CSMD2: variants seen among roughly 807,000 people sequenced by gnomAD.
The protein encoded by CSMD2 is CUB and Sushi multiple domains 2.
In CSMD2, 130 loss-of-function variants were observed where a neutral mutation model predicts 398.5. That is an observed-to-expected ratio of 0.33 (90% CI 0.28 to 0.38). The LOEUF (loss-of-function observed/expected upper bound fraction) is 0.38. Among genes scored for constraint, CSMD2 ranks in the 10% least tolerant of loss-of-function variants. The pLI is 1.00. For synonymous variants in CSMD2, 1,828 were observed against 1,908.5 expected (o/e 0.96, Z 1.10); for missense variants, 3,829 against 4,764.9 (o/e 0.80, Z 5.78).
intron 3 of CSMD2, among the ~76,000 whole-genome samples, chr1:33,968,305 TC>T (rs1645634238): frequency 6.6e-6 from 1 of 152,170 alleles, no homozygotes; most frequent in Non-Finnish European, 1.5e-5. Context: ...TTTTACAAAT[TC>T]CAGGTGGCAG....
intron 14 of CSMD2, among the ~76,000 whole-genome samples, chr1:33,741,299 T>C (rs1019362633): frequency 6.6e-6 from 1 of 152,040 alleles, no homozygotes; most frequent in Admixed American, 6.5e-5. Flanking sequence ...TCAGCCTCAG[T>C]GATCATCAGT....
chr1:33,713,808 C>T (rs551060), intron 21 of CSMD2, among the ~76,000 whole-genome samples: 123,341 of 152,070 alleles, frequency 0.81, 50,484 homozygotes, highest in Middle Eastern at 0.88. Context: ...TCTGGCCAAA[C>T]GTCAACTCAT....
intron 1 of CSMD2, among the ~76,000 whole-genome samples, chr1:34,092,506 C>G (rs1397653945): frequency 6.6e-6 from 1 of 152,208 alleles, no homozygotes; most frequent in Non-Finnish European, 1.5e-5. Context: ...CCAGGTTCAT[C>G]TCACTAGGGA....
chr1:33,915,185 A>C (rs1033223926), intron 5 of CSMD2, among the ~76,000 whole-genome samples: 3 of 152,182 alleles, frequency 2.0e-5, no homozygotes, highest in African/African-American at 7.2e-5. Flanking sequence ...CTTTGCTAAC[A>C]GGATCTGTTG....
At chr1:33,536,226 CTCT>C (rs1205566706) in intron 62 of CSMD2, among the ~76,000 whole-genome samples, 1 of 152,096 alleles carries the variant, frequency 6.6e-6, no homozygotes, top group East Asian at 1.9e-4. Flanking sequence ...CTTTTCTTTT[CTCT>C]TCTTTTTTTT....
At chr1:33,863,992 G>A (rs996166781) in intron 5 of CSMD2, 6 of 566,760 alleles carry the variant, frequency 1.1e-5, no homozygotes, top group Admixed American at 1.0e-4. Flanking sequence ...GGGATTGGCT[G>A]GCTTGTGGAT....
chr1:33,600,244 G>A, intron 44 of CSMD2: 1 of 701,326 alleles, frequency 1.4e-6, no homozygotes, highest in Admixed American at 2.2e-5. Context: ...GCAGTGATCT[G>A]TAAATTGCAA....
chr1:33,586,840 G>C (rs1161739821), intron 45 of CSMD2, among the ~76,000 whole-genome samples: 4 of 152,194 alleles, frequency 2.6e-5, no homozygotes, highest in African/African-American at 9.7e-5. Context: ...ATACTGTCTT[G>C]CATGGATTTA....
chr1:33,617,898 A>T (rs369677432), intron 37 of CSMD2, among the ~76,000 whole-genome samples: 1 of 152,100 alleles, frequency 6.6e-6, no homozygotes, highest in African/African-American at 2.4e-5. Flanking sequence ...CTGAGCTCTT[A>T]GCTAGGGGGC....
chr1:33,959,951 G>A (rs770854725), intron 3 of CSMD2, among the ~76,000 whole-genome samples: 1 of 152,170 alleles, frequency 6.6e-6, no homozygotes, highest in Non-Finnish European at 1.5e-5. Context: ...TCCTAGCAGC[G>A]TGGGCATAGG....
chr1:34,030,631 C>G (rs753992095), intron 3 of CSMD2, among the ~76,000 whole-genome samples: 1 of 152,166 alleles, frequency 6.6e-6, no homozygotes, highest in Non-Finnish European at 1.5e-5. Context: ...TCTGTTTTCA[C>G]GGGACTCTGA....
At chr1:33,566,318 A>G (rs909386401) in intron 53 of CSMD2, among the ~76,000 whole-genome samples, 1 of 147,434 alleles carries the variant, frequency 6.8e-6, no homozygotes, top group African/African-American at 2.5e-5. Flanking sequence ...AAAAAAAAAA[A>G]CAACCAAATA....
At chr1:33,998,581 T>C (rs555644682) in intron 3 of CSMD2, among the ~76,000 whole-genome samples, 1 of 152,334 alleles carries the variant, frequency 6.6e-6, no homozygotes, top group East Asian at 1.9e-4. Flanking sequence ...CCTGCAGATC[T>C]GTAGACTCCT....
At chr1:33,872,526 T>C (rs985751177) in intron 5 of CSMD2, among the ~76,000 whole-genome samples, 2 of 152,078 alleles carry the variant, frequency 1.3e-5, no homozygotes, top group African/African-American at 4.8e-5. Flanking sequence ...ATAGGGACTC[T>C]AGGAAGCCAA....
Position 33,782,982 on chromosome 1 carries a change from G to A in CSMD2, c.1663+5618C>T, listed in dbSNP as rs186806256. On this transcript the variant is annotated intron_variant, in intron 12 of 70. Transcript: ENST00000373381. ...TGGGAGTGAGAGGACTAGAGCCAGCGATGCTGGTTGGGAAGACTCTGCCAC... is the reference window on the plus strand; with the variant it reads ...TGGGAGTGAGAGGACTAGAGCCAGCAATGCTGGTTGGGAAGACTCTGCCAC... 2.8e-3 allele frequency among the ~76,000 whole-genome samples: 425 copies of A among 152,234 alleles called. 1 individual carries two copies. The highest frequency in any genetic ancestry group is 9.3e-3 in the African/African-American group (387 of 41,520).
intron 8 of CSMD2, 65 bp downstream of exon 8, chr1:33,820,402 CCT>C (rs1657974239): frequency 9.7e-7 from 1 of 1,034,554 alleles, no homozygotes; most frequent in South Asian, 1.3e-5. Flanking sequence ...AAGGCCAGCC[CCT>C]GTCTTCCTCC....
chr1:33,808,978 G>GA (rs56303874), intron 10 of CSMD2, among the ~76,000 whole-genome samples: 81,282 of 148,800 alleles, frequency 0.55, 21,999 homozygotes, highest in East Asian at 0.69. Context: ...ATGGAGTCAA[G>GA]AAAAAAAAAA....
chr1:34,146,358 G>T (rs1359139433), intron 1 of CSMD2, among the ~76,000 whole-genome samples: 1 of 152,184 alleles, frequency 6.6e-6, no homozygotes, highest in African/African-American at 2.4e-5. Context: ...ACCTTCCAAA[G>T]CCAGTCTTAA....
At chr1:33,657,329 C>T (rs1643977109) in intron 27 of CSMD2, among the ~76,000 whole-genome samples, 1 of 152,152 alleles carries the variant, frequency 6.6e-6, no homozygotes, top group Non-Finnish European at 1.5e-5. Flanking sequence ...CAAAAATTTG[C>T]TGGGTGTGGT....
Sources: allele counts gnomAD v4.1 joint callset (sites outside exome capture counted in the v4.1 genomes callset), GRCh38; gene constraint gnomAD v4.1.1; transcripts MANE v1.5; gene names NCBI Gene and HGNC (gene_info 2026-07-23, HGNC 2026-07-21).